The following AUTS2 variants were observed in gnomAD, a reference collection of about 807,000 sequenced individuals.
The protein encoded by AUTS2 is autism susceptibility gene 2 protein.
In AUTS2, 17 loss-of-function variants were observed where a neutral mutation model predicts 112.4. The observed-to-expected ratio is 0.15, with a 90% confidence interval of 0.10 to 0.23. The LOEUF is 0.23. AUTS2 is among the 10% of genes least tolerant of loss of function. The pLI, the probability that AUTS2 is intolerant of heterozygous loss-of-function variation, is 1.00. For synonymous variants in AUTS2, 751 were observed against 702.7 expected, an observed-to-expected ratio of 1.07 and a Z score of -1.09; for missense variants, 1,510 against 1,701.6, an observed-to-expected ratio of 0.89 and a Z score of 1.98.
intron 5 of AUTS2, among the ~76,000 whole-genome samples, chr7:70,540,925 G>A (rs1043526239): frequency 3.9e-5 from 6 of 152,144 alleles, no homozygotes; most frequent in Non-Finnish European, 7.3e-5. Flanking sequence ...TCTGGTCTCT[G>A]CCTGAACTTG....
intron 5 of AUTS2, among the ~76,000 whole-genome samples, chr7:70,662,118 T>C (rs1468942045): frequency 1.3e-5 from 2 of 152,234 alleles, no homozygotes; most frequent in Non-Finnish European, 2.9e-5. Flanking sequence ...CCCAGGCAGC[T>C]GCGCTGACAC....
chr7:70,584,275 T>TG (rs1289012449), intron 5 of AUTS2, among the ~76,000 whole-genome samples: 1 of 152,214 alleles, frequency 6.6e-6, no homozygotes, highest in Non-Finnish European at 1.5e-5. Context: ...GGGTGAAATC[T>TG]GGGGAAAAAT....
At chr7:69,961,946 C>T (rs1797447733) in intron 2 of AUTS2, among the ~76,000 whole-genome samples, 1 of 152,116 alleles carries the variant, frequency 6.6e-6, no homozygotes, top group African/African-American at 2.4e-5. Context: ...GTGATTGGTT[C>T]AAGCATTGAA....
At position 70,643,152 on chromosome 7, in the gene AUTS2, C is replaced by T. The variant is rs78528284; in HGVS notation, c.691-55417C>T. 5.7e-3 allele frequency among the ~76,000 whole-genome samples: 871 copies of T among 152,344 alleles called. 11 individuals carry two copies. Among genetic ancestry groups the T allele is most frequent in the African/African-American group, 0.019 (787 of 41,580 alleles). ...AGATTATGTCCACTCTGATGGCTCTCGCCACTTTTGCATGACAATGATACT... is the reference window on the plus strand; with the variant it reads ...AGATTATGTCCACTCTGATGGCTCTTGCCACTTTTGCATGACAATGATACT... On this transcript the variant is annotated intron_variant, in intron 5 of 18. Transcript: ENST00000342771.
At chr7:70,700,037 G>T (rs1274519750) in intron 6 of AUTS2, among the ~76,000 whole-genome samples, 6 of 152,194 alleles carry the variant, frequency 3.9e-5, no homozygotes, top group Non-Finnish European at 5.9e-5. Context: ...TCTGGGATCA[G>T]GCCCTAGAAT....
At chr7:70,478,743 GTT>G (rs11402312) in intron 5 of AUTS2, among the ~76,000 whole-genome samples, 9 of 138,734 alleles carry the variant, frequency 6.5e-5, no homozygotes, top group Non-Finnish European at 7.9e-5. Flanking sequence ...TTCAAGACTT[GTT>G]TTTTTTTTTT....
At chr7:70,337,193 T>C (rs996970119) in intron 4 of AUTS2, among the ~76,000 whole-genome samples, 7 of 152,228 alleles carry the variant, frequency 4.6e-5, no homozygotes, top group African/African-American at 1.7e-4. Flanking sequence ...CTTATGCTGC[T>C]CTTCACTGAG....
intron 5 of AUTS2, among the ~76,000 whole-genome samples, chr7:70,555,171 G>T (rs1184311277): frequency 2.0e-5 from 3 of 152,178 alleles, no homozygotes; most frequent in African/African-American, 7.2e-5. Flanking sequence ...GGCTGAAAGT[G>T]TGTGGTTAAA....
At chr7:69,681,784 G>A (rs1351251860) in intron 1 of AUTS2, among the ~76,000 whole-genome samples, 3 of 152,176 alleles carry the variant, frequency 2.0e-5, no homozygotes, top group Non-Finnish European at 4.4e-5. Context: ...TTGATAGACT[G>A]GATTTCTTTT....
At chr7:70,643,485 C>T (rs998892258) in intron 5 of AUTS2, among the ~76,000 whole-genome samples, 12 of 152,184 alleles carry the variant, frequency 7.9e-5, no homozygotes, top group African/African-American at 2.2e-4. Context: ...GGAGGAGAAT[C>T]GCTTGAACCT....
chr7:70,573,745 T>G (rs1056866078), intron 5 of AUTS2, among the ~76,000 whole-genome samples: 13 of 152,070 alleles, frequency 8.5e-5, no homozygotes, highest in African/African-American at 2.7e-4. Flanking sequence ...GAGATTAATA[T>G]AGTAGGAAAC....
intron 5 of AUTS2, among the ~76,000 whole-genome samples, chr7:70,512,258 C>G (rs1265662375): frequency 6.6e-6 from 1 of 152,144 alleles, no homozygotes. Flanking sequence ...GTGATATTAG[C>G]CACATAGAGG....
At chr7:70,124,037 T>C (rs1805828420) in intron 3 of AUTS2, among the ~76,000 whole-genome samples, 1 of 152,224 alleles carries the variant, frequency 6.6e-6, no homozygotes, top group Non-Finnish European at 1.5e-5. Flanking sequence ...TTAATATTAA[T>C]AATAGCCATT....
chr7:70,015,829 G>A (rs374783050), intron 2 of AUTS2, among the ~76,000 whole-genome samples: 118 of 149,558 alleles, frequency 7.9e-4, no homozygotes, highest in African/African-American at 2.4e-3. Context: ...AGCATCCAGT[G>A]GCCACCTAGT....
chr7:70,327,842 T>A (rs187387970), intron 4 of AUTS2, among the ~76,000 whole-genome samples: 27 of 152,332 alleles, frequency 1.8e-4, no homozygotes, highest in Admixed American at 4.6e-4. Context: ...TCTACTGAGA[T>A]CTAGATAGTC....
Position 70,791,269 on chromosome 7 carries a change from A to T in AUTS2, c.*273A>T. 4.2e-6 allele frequency: 1 copy of T among 239,616 alleles called. No homozygotes were observed. The highest frequency in any genetic ancestry group is 7.9e-6 in the Non-Finnish European group (1 of 126,134). The allele number at this position is 239,616 out of a possible 1,614,324, so 14.8% of individuals were successfully genotyped here. ...TTTTTGATTTGAACCAAAACAGTGA[A>T]GATGACAACACACACCAATTGGATG... On this transcript the variant is annotated 3_prime_UTR_variant, in exon 19 of 19. Coordinates refer to ENST00000342771, the MANE Select transcript of AUTS2 (RefSeq NM_015570.4).
At chr7:70,575,981 G>C (rs1289293719) in intron 5 of AUTS2, among the ~76,000 whole-genome samples, 1 of 152,146 alleles carries the variant, frequency 6.6e-6, no homozygotes, top group Non-Finnish European at 1.5e-5. Context: ...CCAGGTAGTT[G>C]GCAGGTGGTG....
chr7:70,018,075 A>G (rs2129554945), intron 2 of AUTS2, among the ~76,000 whole-genome samples: 1 of 152,118 alleles, frequency 6.6e-6, no homozygotes, highest in African/African-American at 2.4e-5. Context: ...GCATCCCAGA[A>G]TCAAACCATC....
At chr7:69,622,041 A>G (rs1793689742) in intron 1 of AUTS2, among the ~76,000 whole-genome samples, 1 of 152,192 alleles carries the variant, frequency 6.6e-6, no homozygotes, top group Non-Finnish European at 1.5e-5. Context: ...AGATTTCACA[A>G]GAGGGTAGAA....
Sources: allele counts gnomAD v4.1 joint callset (sites outside exome capture counted in the v4.1 genomes callset), GRCh38; gene constraint gnomAD v4.1.1; transcripts MANE v1.5; gene names NCBI Gene and HGNC (gene_info 2026-07-23, HGNC 2026-07-21).